CDYL2: variants seen among roughly 807,000 people sequenced by gnomAD.
CDYL2 encodes the protein chromodomain Y like 2.
A neutral mutation model predicts 49.4 loss-of-function variants in CDYL2; 23 were observed. That is an observed-to-expected ratio of 0.47 (90% CI 0.34 to 0.66). The LOEUF (loss-of-function observed/expected upper bound fraction) is 0.66. Ranked by LOEUF, CDYL2 falls within the 30% of genes least tolerant of loss-of-function variation. The pLI is 0.01. For missense variants in CDYL2, 678 were observed against 656.4 expected (o/e 1.03, Z -0.36); for synonymous variants, 360 against 268.8 (o/e 1.34, Z -3.32).
At chr16:80,686,003 T>C (rs982222114) in intron 1 of CDYL2, among the ~76,000 whole-genome samples, 4 of 152,226 alleles carry the variant, frequency 2.6e-5, no homozygotes, top group African/African-American at 9.6e-5. Flanking sequence ...GTACCTACTA[T>C]GCACCTCACA....
chr16:80,784,317 C>G (rs988158727), intron 1 of CDYL2, among the ~76,000 whole-genome samples: 1 of 152,148 alleles, frequency 6.6e-6, no homozygotes. Context: ...CTGAGTACCA[C>G]TTTAACCCAT....
intron 1 of CDYL2, among the ~76,000 whole-genome samples, chr16:80,730,216 A>C (rs1176571373): frequency 6.6e-6 from 1 of 152,198 alleles, no homozygotes. Context: ...AAGACTAATA[A>C]AGAAAAAAAG....
At position 80,733,555 on chromosome 16, in the gene CDYL2, G is replaced by A. The variant is rs1905408922; in HGVS notation, c.25-48426C>T. Reference sequence around the variant, plus strand: ...GCAGTTTTTAAGTCCCCTTGCCCTGGGGACATCATCACTATGCCAAGATGG... The same window carrying A: ...GCAGTTTTTAAGTCCCCTTGCCCTGAGGACATCATCACTATGCCAAGATGG... On this transcript the variant is annotated intron_variant, in intron 1 of 6. Transcript: ENST00000570137. Among the ~76,000 whole-genome samples, 3 of 152,206 alleles carry A rather than the reference G, an allele frequency of 2.0e-5. No individual in the cohort carries two copies. In the South Asian group the frequency reaches 6.2e-4, roughly 32 times the overall value.
chr16:80,684,446 G>A (rs1910093413), intron 2 of CDYL2, 92 bp downstream of exon 2: 2 of 1,172,276 alleles, frequency 1.7e-6, no homozygotes, highest in South Asian at 1.5e-5. Flanking sequence ...CGGGGATGGA[G>A]GTGGGGGTCT....
At chr16:80,793,379 T>G (rs1328507786) in intron 1 of CDYL2, among the ~76,000 whole-genome samples, 1 of 152,218 alleles carries the variant, frequency 6.6e-6, no homozygotes, top group Non-Finnish European at 1.5e-5. Context: ...TTTTGTTACC[T>G]AATAAATCTA....
chr16:80,697,528 C>A (rs1302749713), intron 1 of CDYL2, among the ~76,000 whole-genome samples: 1 of 152,126 alleles, frequency 6.6e-6, no homozygotes, highest in African/African-American at 2.4e-5. Context: ...AGGAGGCACA[C>A]TTTCACCACT....
At chr16:80,742,833 T>C (rs996734134) in intron 1 of CDYL2, among the ~76,000 whole-genome samples, 3 of 143,934 alleles carry the variant, frequency 2.1e-5, no homozygotes, top group Non-Finnish European at 3.0e-5. Flanking sequence ...GACTGGGTGG[T>C]TGAGTGGATA....
intron 1 of CDYL2, among the ~76,000 whole-genome samples, chr16:80,762,858 G>T (rs546166584): frequency 6.6e-6 from 1 of 152,140 alleles, no homozygotes; most frequent in African/African-American, 2.4e-5. Flanking sequence ...ATGTGCCTAA[G>T]GACAGAATGT....
At chr16:80,606,814 G>T (rs934370175) in intron 6 of CDYL2, among the ~76,000 whole-genome samples, 2 of 152,128 alleles carry the variant, frequency 1.3e-5, no homozygotes, top group Non-Finnish European at 2.9e-5. Context: ...GAGATCTGAT[G>T]ATTTTATAAG....
At chr16:80,685,795 A>C (rs979291944) in intron 1 of CDYL2, among the ~76,000 whole-genome samples, 1 of 152,232 alleles carries the variant, frequency 6.6e-6, no homozygotes, top group Admixed American at 6.5e-5. Flanking sequence ...TGGTAAGGGC[A>C]GAACTGGGGT....
chr16:80,769,975 T>C (rs1332759183), intron 1 of CDYL2, among the ~76,000 whole-genome samples: 5 of 152,316 alleles, frequency 3.3e-5, no homozygotes, highest in Middle Eastern at 3.4e-3. Flanking sequence ...TTCTGCTCAT[T>C]TATATTAGAA....
chr16:80,774,990 C>T (rs1370228873), intron 1 of CDYL2, among the ~76,000 whole-genome samples: 1 of 151,436 alleles, frequency 6.6e-6, no homozygotes, highest in African/African-American at 2.4e-5. Context: ...GATTATATCA[C>T]CAAAAAGATT....
intron 1 of CDYL2, among the ~76,000 whole-genome samples, chr16:80,774,051 A>G (rs935985971): frequency 7.2e-5 from 11 of 152,202 alleles, no homozygotes; most frequent in African/African-American, 2.4e-4. Context: ...ATAATGAAAC[A>G]GGTATTTACT....
chr16:80,722,407 G>T (rs1035274772), intron 1 of CDYL2, among the ~76,000 whole-genome samples: 2 of 152,094 alleles, frequency 1.3e-5, no homozygotes, highest in Non-Finnish European at 2.9e-5. Context: ...CAAACACACT[G>T]CTGAGTCCTG....
At chr16:80,753,195 T>C (rs1266984087) in intron 1 of CDYL2, among the ~76,000 whole-genome samples, 1 of 151,904 alleles carries the variant, frequency 6.6e-6, no homozygotes, top group Non-Finnish European at 1.5e-5. Context: ...GTCAATAATT[T>C]ATTAGAAAGA....
intron 1 of CDYL2, among the ~76,000 whole-genome samples, chr16:80,735,548 T>C (rs1451109609): frequency 6.6e-6 from 1 of 152,150 alleles, no homozygotes; most frequent in Non-Finnish European, 1.5e-5. Flanking sequence ...CCATGTTTGA[T>C]ACTATAAGGC....
chr16:80,652,590 A>T (rs1908630111), intron 2 of CDYL2, among the ~76,000 whole-genome samples: 1 of 152,214 alleles, frequency 6.6e-6, no homozygotes, highest in South Asian at 2.1e-4. Context: ...TTCCATCCCA[A>T]GAGCACAGTG....
chr16:80,668,974 C>T (rs796508957), intron 2 of CDYL2, among the ~76,000 whole-genome samples: 10 of 151,874 alleles, frequency 6.6e-5, no homozygotes, highest in African/African-American at 2.4e-4. Flanking sequence ...TTTTTTACAA[C>T]TCACCTATTT....
intron 2 of CDYL2, among the ~76,000 whole-genome samples, chr16:80,642,537 T>C (rs1908146053): frequency 2.0e-5 from 3 of 152,204 alleles, no homozygotes; most frequent in East Asian, 3.8e-4. Context: ...AGATATTATT[T>C]GCAAACCTCA....
Sources: gnomAD v4.1 joint callset for allele counts (sites outside exome capture counted in the v4.1 genomes callset) on GRCh38, gnomAD v4.1.1 for gene constraint, MANE v1.5 for transcripts, NCBI Gene and HGNC (gene_info 2026-07-23, HGNC 2026-07-21) for gene names.